Variants in SLIT3 observed in about 807,000 individuals in gnomAD.
The protein encoded by SLIT3 is slit homolog 3 protein.
Under a neutral mutation model 184.0 loss-of-function variants are expected in SLIT3, and 68 were observed. The observed-to-expected ratio is 0.37, with a 90% confidence interval of 0.30 to 0.45. SLIT3 has a LOEUF of 0.45. Among genes scored for constraint, SLIT3 ranks in the 20% least tolerant of loss-of-function variants. The probability of loss-of-function intolerance (pLI) is 1.00; values close to 1 mark genes in which losing one functional copy is unlikely to be tolerated. For missense variants in SLIT3, 1,707 were observed against 2,026.0 expected, an observed-to-expected ratio of 0.84 and a Z score of 3.02; for synonymous variants, 831 against 828.6, an observed-to-expected ratio of 1.00 and a Z score of -0.05.
chr5:169,160,509 C>T (rs61401715), intron 4 of SLIT3, among the ~76,000 whole-genome samples: 4,084 of 152,272 alleles, frequency 0.027, 197 homozygotes, highest in African/African-American at 0.093. Context: ...ACCTTTAATT[C>T]ATCAAGCATT....
chr5:168,947,986 C>T (rs901139184), intron 4 of SLIT3, among the ~76,000 whole-genome samples: 5 of 150,310 alleles, frequency 3.3e-5, no homozygotes, highest in East Asian at 2.0e-4. Context: ...AGATGGGGGT[C>T]TCGCCATGTT....
intron 17 of SLIT3, 56 bp downstream of exon 17, chr5:168,753,808 C>T: frequency 1.3e-6 from 2 of 1,579,310 alleles, no homozygotes. Context: ...TCTCTAATTC[C>T]CCTGCCCTCC....
chr5:168,666,731 G>T, intron 35 of SLIT3, 42 bp from the exon 36 acceptor site: 2 of 1,613,258 alleles, frequency 1.2e-6, no homozygotes, highest in Non-Finnish European at 8.5e-7. Context: ...GGTCTAGGTG[G>T]CCAGCAGGAC....
chr5:168,924,504 G>T (rs1761747064), intron 4 of SLIT3, among the ~76,000 whole-genome samples: 1 of 136,744 alleles, frequency 7.3e-6, no homozygotes, highest in African/African-American at 3.1e-5. Context: ...GTGTGTGTGT[G>T]TGTATGTGTG....
At chr5:169,043,858 A>T (rs147720833) in intron 4 of SLIT3, among the ~76,000 whole-genome samples, 3 of 152,354 alleles carry the variant, frequency 2.0e-5, no homozygotes, top group Admixed American at 1.3e-4. Flanking sequence ...AGTGAGAGTC[A>T]TCCGAACTGG....
intron 4 of SLIT3, among the ~76,000 whole-genome samples, chr5:168,999,742 T>C (rs1435065713): frequency 1.3e-5 from 2 of 152,218 alleles, no homozygotes; most frequent in East Asian, 3.8e-4. Context: ...ACAGAGGATA[T>C]GCAGCCACGG....
At chr5:169,281,036 A>G (rs999471250) in intron 1 of SLIT3, among the ~76,000 whole-genome samples, 2 of 152,130 alleles carry the variant, frequency 1.3e-5, no homozygotes, top group Non-Finnish European at 2.9e-5. Context: ...CACAATAGGG[A>G]GTGGTAGGGA....
rs1211737983 is a variant in SLIT3, at chr5:168,696,299, G to A, written c.3075C>T (p.Asn1025=). The change falls in exon 28 of 36, where the codon AAC becomes AAT. Residue 1025 remains asparagine (N), a synonymous_variant. Coordinates refer to ENST00000519560, the MANE Select transcript of SLIT3 (RefSeq NM_003062.4). ...INNYVCICPP[N]YTGELCDEVI... is the part of the protein sequence containing the mutation. ...CAGTCATGAGATCCTTACCTGTGTA[G>A]TTAGGCGGACAGATACACACGTAGT... 6.2e-7 allele frequency: 1 copy of A among 1,614,198 alleles called. No homozygotes were observed. The highest frequency in any genetic ancestry group is 8.5e-7 in the Non-Finnish European group (1 of 1,180,034).
intron 3 of SLIT3, among the ~76,000 whole-genome samples, chr5:169,203,890 G>A (rs112459303): frequency 4.6e-5 from 7 of 152,188 alleles, no homozygotes; most frequent in African/African-American, 1.7e-4. Flanking sequence ...GGGCAGATTT[G>A]GATATGTTAA....
intron 4 of SLIT3, among the ~76,000 whole-genome samples, chr5:169,110,754 T>G (rs1268572008): frequency 1.3e-5 from 2 of 152,230 alleles, no homozygotes; most frequent in Non-Finnish European, 2.9e-5. Flanking sequence ...CCTGGACTAT[T>G]GTAATAGCTT....
At chr5:169,068,746 C>T (rs564404826) in intron 4 of SLIT3, among the ~76,000 whole-genome samples, 61 of 152,136 alleles carry the variant, frequency 4.0e-4, no homozygotes, top group Non-Finnish European at 7.8e-4. Flanking sequence ...TAAGCACACA[C>T]AACACAACCC....
chr5:168,673,775 T>C (rs536856250), intron 32 of SLIT3, among the ~76,000 whole-genome samples: 112 of 152,358 alleles, frequency 7.4e-4, no homozygotes, highest in African/African-American at 2.5e-3. Context: ...ATACTGTCCT[T>C]TACAGCATTT....
At chr5:168,727,147 C>T (rs1468985630) in intron 20 of SLIT3, among the ~76,000 whole-genome samples, 3 of 152,040 alleles carry the variant, frequency 2.0e-5, no homozygotes, top group African/African-American at 7.2e-5. Flanking sequence ...TGGCAAATCC[C>T]TGTCTCTACT....
intron 4 of SLIT3, among the ~76,000 whole-genome samples, chr5:168,888,306 A>G (rs985930223): frequency 6.6e-6 from 1 of 152,220 alleles, no homozygotes. Flanking sequence ...AGAGAAATGT[A>G]AACTCCCAGG....
chr5:168,937,138 C>T (rs1762184318), intron 4 of SLIT3, among the ~76,000 whole-genome samples: 1 of 151,918 alleles, frequency 6.6e-6, no homozygotes, highest in Non-Finnish European at 1.5e-5. Context: ...CATATGAAGC[C>T]TTGGAGTAGG....
intron 5 of SLIT3, among the ~76,000 whole-genome samples, chr5:168,867,611 A>T (rs1215845393): frequency 6.6e-6 from 1 of 152,240 alleles, no homozygotes; most frequent in East Asian, 1.9e-4. Flanking sequence ...TACAAGATGT[A>T]GTAGAAAGGG....
At chr5:169,012,408 C>A (rs557245261) in intron 4 of SLIT3, 3 of 152,146 alleles carry the variant, frequency 2.0e-5, no homozygotes, top group Non-Finnish European at 4.4e-5. Flanking sequence ...AAGCCTGGCT[C>A]GCCTGAACTG....
chr5:169,106,974 G>A (rs889833379), intron 4 of SLIT3, among the ~76,000 whole-genome samples: 2 of 152,240 alleles, frequency 1.3e-5, no homozygotes, highest in African/African-American at 4.8e-5. Flanking sequence ...AGGAGCAGGT[G>A]AGATGCTGCC....
chr5:169,069,845 C>T (rs1298525013), intron 4 of SLIT3, among the ~76,000 whole-genome samples: 1 of 151,992 alleles, frequency 6.6e-6, no homozygotes, highest in Admixed American at 6.6e-5. Flanking sequence ...GGCACCAGAC[C>T]AGACCACAGA....
Sources: gnomAD v4.1 joint callset for allele counts (sites outside exome capture counted in the v4.1 genomes callset) on GRCh38, gnomAD v4.1.1 for gene constraint, MANE v1.5 for transcripts, NCBI Gene and HGNC (gene_info 2026-07-23, HGNC 2026-07-21) for gene names.